MALRD1: variants seen among roughly 807,000 people sequenced by gnomAD.
The protein encoded by MALRD1 is MAM and LDL-receptor class A domain-containing protein 1.
MALRD1 carries 247 observed loss-of-function variants against 242.1 expected under a neutral mutation model. The observed-to-expected ratio is 1.02, with a 90% confidence interval of 0.92 to 1.13. The LOEUF is 1.13. Ranked by LOEUF, MALRD1 falls within the 50% of genes most tolerant of loss-of-function variation. MALRD1 has a pLI of 0.00. For missense variants in MALRD1, 2,989 were observed against 2,533.1 expected (o/e 1.18, Z -3.86); for synonymous variants, 995 against 866.6 (o/e 1.15, Z -2.60).
At chr10:19,185,268 G>A (rs893377299) in intron 14 of MALRD1, among the ~76,000 whole-genome samples, 39 of 152,162 alleles carry the variant, frequency 2.6e-4, no homozygotes, top group African/African-American at 9.2e-4. Context: ...AGCTCTGTAA[G>A]TTGTAAAGAC....
At chr10:19,136,869 A>G in intron 10 of MALRD1, 88 bp downstream of exon 10, 1 of 883,304 alleles carries the variant, frequency 1.1e-6, no homozygotes, top group Non-Finnish European at 1.5e-6. Flanking sequence ...TATCAAGGCA[A>G]AGGTAAGTCA....
At chr10:19,561,631 AT>A (rs1261714019) in intron 32 of MALRD1, among the ~76,000 whole-genome samples, 1 of 152,074 alleles carries the variant, frequency 6.6e-6, no homozygotes. Context: ...AATAGAAGAA[AT>A]TTTTAAATGG....
intron 18 of MALRD1, among the ~76,000 whole-genome samples, chr10:19,235,802 A>C (rs1009641046): frequency 6.6e-6 from 1 of 152,056 alleles, no homozygotes; most frequent in Non-Finnish European, 1.5e-5. Flanking sequence ...CCATTAGTTG[A>C]AATTTTGAAG....
At chr10:19,626,143 A>G (rs1839640579) in intron 36 of MALRD1, among the ~76,000 whole-genome samples, 2 of 152,140 alleles carry the variant, frequency 1.3e-5, no homozygotes, top group Admixed American at 1.3e-4. Context: ...AGAAACATAA[A>G]TTACTAAAAT....
At chr10:19,710,497 G>A (rs1834057657) in intron 38 of MALRD1, 1 of 152,012 alleles carries the variant, frequency 6.6e-6, no homozygotes, top group Non-Finnish European at 1.5e-5. Context: ...CAACATATCA[G>A]GAACACATTT....
At chr10:19,313,963 G>T (rs1021640262) in intron 21 of MALRD1, among the ~76,000 whole-genome samples, 2 of 151,462 alleles carry the variant, frequency 1.3e-5, no homozygotes, top group Non-Finnish European at 3.0e-5. Context: ...CTAGGAAAGA[G>T]AAATCTAAAA....
At chr10:19,188,556 T>G (rs564558444) in intron 14 of MALRD1, among the ~76,000 whole-genome samples, 6 of 152,200 alleles carry the variant, frequency 3.9e-5, no homozygotes, top group Non-Finnish European at 8.8e-5. Context: ...TGATCTTTTT[T>G]TGTCTGTGTT....
At chr10:19,378,101 G>GT (rs963816691) in intron 26 of MALRD1, among the ~76,000 whole-genome samples, 3 of 151,964 alleles carry the variant, frequency 2.0e-5, no homozygotes, top group South Asian at 2.1e-4. Flanking sequence ...AATATATACA[G>GT]TTTTTTTACT....
In MALRD1 at chr10:19,066,960, C is replaced by G. The variant is rs1047725068; in HGVS notation, c.340+101C>G. The G allele has an allele frequency of 8.8e-5, 75 of 851,672 alleles. 1 individual carries two copies. Among genetic ancestry groups the G allele is most frequent in the Admixed American group, 6.1e-4 (14 of 23,124 alleles). The allele number at this position is 851,672 out of a possible 1,614,324, so 52.8% of individuals were successfully genotyped here. ...TTTCCCACCTCCCTTTCTTCCGTTC[C>G]CCACCACATGTTTAATTAGGGAAGC... On this transcript the variant is annotated intron_variant, in intron 2 of 39. Coordinates refer to ENST00000454679, the MANE Select transcript of MALRD1 (RefSeq NM_001142308.3).
intron 29 of MALRD1, among the ~76,000 whole-genome samples, chr10:19,490,537 T>C (rs1180606657): frequency 4.2e-5 from 1 of 23,996 alleles, no homozygotes; most frequent in Non-Finnish European, 9.2e-5. Flanking sequence ...GGGGTGAGGG[T>C]AGAGTGGGGG....
chr10:19,663,286 C>G (rs1204873813), intron 36 of MALRD1, among the ~76,000 whole-genome samples: 1 of 152,102 alleles, frequency 6.6e-6, no homozygotes, highest in East Asian at 1.9e-4. Context: ...ATTTGACTTT[C>G]TTTTTCTCAG....
At chr10:19,112,918 A>G (rs977388183) in intron 5 of MALRD1, among the ~76,000 whole-genome samples, 5 of 152,208 alleles carry the variant, frequency 3.3e-5, no homozygotes, top group African/African-American at 9.6e-5. Context: ...TTTCTCACTC[A>G]AAAAGTTAAG....
At chr10:19,300,729 TA>T (rs1443711535) in intron 21 of MALRD1, among the ~76,000 whole-genome samples, 1 of 151,992 alleles carries the variant, frequency 6.6e-6, no homozygotes, top group Non-Finnish European at 1.5e-5. Context: ...TTAAAACACT[TA>T]AATGTAAAAC....
At chr10:19,196,711 AT>A (rs1425609009) in intron 14 of MALRD1, among the ~76,000 whole-genome samples, 2 of 152,072 alleles carry the variant, frequency 1.3e-5, no homozygotes, top group Non-Finnish European at 2.9e-5. Flanking sequence ...CATGTCCAAA[AT>A]TGAGATTCTG....
chr10:19,319,186 G>T (rs1200312226), intron 21 of MALRD1, among the ~76,000 whole-genome samples: 1 of 151,634 alleles, frequency 6.6e-6, no homozygotes, highest in Non-Finnish European at 1.5e-5. Flanking sequence ...TTCCTTTACG[G>T]TTAGTGATTT....
intron 28 of MALRD1, among the ~76,000 whole-genome samples, chr10:19,445,287 A>C (rs990008065): frequency 6.6e-6 from 1 of 152,014 alleles, no homozygotes; most frequent in Non-Finnish European, 1.5e-5. Flanking sequence ...TGTTGTTACC[A>C]ATCGTCTGAA....
chr10:19,625,887 C>T (rs1304199278), intron 36 of MALRD1, among the ~76,000 whole-genome samples: 1 of 152,010 alleles, frequency 6.6e-6, no homozygotes, highest in East Asian at 1.9e-4. Flanking sequence ...AACAAATTAT[C>T]AAAATTTAAG....
At chr10:19,149,108 C>CTATCTATG (rs1232092583) in intron 11 of MALRD1, among the ~76,000 whole-genome samples, 2 of 151,522 alleles carry the variant, frequency 1.3e-5, no homozygotes, top group Non-Finnish European at 2.9e-5. Flanking sequence ...ATCTATCTAT[C>CTATCTATG]TATCTATCTA....
At chr10:19,143,135 C>T (rs919635976) in intron 10 of MALRD1, among the ~76,000 whole-genome samples, 1 of 152,130 alleles carries the variant, frequency 6.6e-6, no homozygotes, top group Non-Finnish European at 1.5e-5. Context: ...GTAAAAAGCA[C>T]AATGATTGAC....
Sources: gnomAD v4.1 joint callset for allele counts (sites outside exome capture counted in the v4.1 genomes callset) on GRCh38, gnomAD v4.1.1 for gene constraint, MANE v1.5 for transcripts, NCBI Gene and HGNC (gene_info 2026-07-23, HGNC 2026-07-21) for gene names.